Variants in WDR19 observed in about 807,000 individuals in gnomAD.
WDR19 encodes the protein WD repeat domain 19.
In WDR19, 121 loss-of-function variants were observed where a neutral mutation model predicts 180.0. The ratio of observed to expected loss-of-function variants is 0.67; its 90% CI spans 0.58 to 0.78. The LOEUF (loss-of-function observed/expected upper bound fraction) is 0.78, where lower values mean the gene tolerates loss of function less well. Among genes scored for constraint, WDR19 ranks in the 30% least tolerant of loss-of-function variants. WDR19 has a pLI of 0.00. For synonymous variants in WDR19, 497 were observed against 540.7 expected, an observed-to-expected ratio of 0.92 and a Z score of 1.12; for missense variants, 1,450 against 1,640.7, an observed-to-expected ratio of 0.88 and a Z score of 2.01.
intron 32 of WDR19, 163 bp downstream of exon 32, chr4:39,273,224 T>C: frequency 1.8e-6 from 1 of 571,152 alleles, no homozygotes; most frequent in South Asian, 2.4e-5. Context: ...CCAGGTTTGA[T>C]GACTCTTCAC....
At chr4:39,275,134 G>C (rs1735774753) in intron 33 of WDR19, 176 bp downstream of exon 33, 1 of 770,368 alleles carries the variant, frequency 1.3e-6, no homozygotes, top group Non-Finnish European at 2.1e-6. Flanking sequence ...GAGGTCAGTA[G>C]TTCAAGACCA....
chr4:39,252,531 T>A (rs1166284259), intron 24 of WDR19, among the ~76,000 whole-genome samples: 4 of 151,436 alleles, frequency 2.6e-5, no homozygotes, highest in African/African-American at 7.3e-5. Context: ...TAAAAAAAAA[T>A]TAAAAAATTT....
chr4:39,263,019 C>T (rs1250125139), intron 28 of WDR19, among the ~76,000 whole-genome samples: 1 of 152,168 alleles, frequency 6.6e-6, no homozygotes. Flanking sequence ...CCAGAAGCCA[C>T]ACCCCTGAGT....
At chr4:39,279,770 C>T (rs1736282506) in intron 36 of WDR19, among the ~76,000 whole-genome samples, 2 of 147,658 alleles carry the variant, frequency 1.4e-5, no homozygotes, top group Non-Finnish European at 1.5e-5. Context: ...GGCATGATCT[C>T]GGCTTACTGC....
chr4:39,225,175 G>T, intron 15 of WDR19, 142 bp downstream of exon 15: 3 of 645,388 alleles, frequency 4.6e-6, no homozygotes, highest in Non-Finnish European at 4.7e-6. Context: ...ATAATATCAT[G>T]TTTATGATAG....
chr4:39,196,157 C>A (rs1726725544), intron 5 of WDR19, among the ~76,000 whole-genome samples: 3 of 152,182 alleles, frequency 2.0e-5, no homozygotes, highest in African/African-American at 4.8e-5. Context: ...CCATTTAACA[C>A]CCAAGTCCCT....
At chr4:39,199,388 T>A (rs1727135699) in intron 5 of WDR19, 90 bp from the exon 6 acceptor site, 1 of 913,296 alleles carries the variant, frequency 1.1e-6, no homozygotes, top group East Asian at 2.6e-5. Flanking sequence ...AATTCTTGTC[T>A]GTTTAATTTC....
chr4:39,202,370 A>C (rs1727455935), intron 6 of WDR19, among the ~76,000 whole-genome samples: 1 of 152,170 alleles, frequency 6.6e-6, no homozygotes, highest in African/African-American at 2.4e-5. Flanking sequence ...AAATACATGA[A>C]TAGACAGTTC....
At chr4:39,183,417 T>A (rs965402913) in intron 1 of WDR19, among the ~76,000 whole-genome samples, 4 of 151,824 alleles carry the variant, frequency 2.6e-5, no homozygotes, top group African/African-American at 9.7e-5. Flanking sequence ...ACCCAGCTAA[T>A]TTTTTGTATT....
chr4:39,238,931 G>A (rs1477042149), intron 20 of WDR19, among the ~76,000 whole-genome samples: 3 of 152,098 alleles, frequency 2.0e-5, no homozygotes, highest in South Asian at 2.1e-4. Context: ...AAAGTCTTCT[G>A]TATATGGAGA....
In WDR19 at chr4:39,203,722, G is replaced by A. The variant is rs1727609377; in HGVS notation, c.603G>A (p.Met201Ile). The change falls in exon 7 of 37, where the codon ATG becomes ATA. Residue 201 changes from methionine to isoleucine, a missense_variant and splice_region_variant. Met to Ile is a conservative substitution (Grantham distance 10, BLOSUM62 1). Coordinates refer to ENST00000399820, the MANE Select transcript of WDR19 (RefSeq NM_025132.4). Reference protein sequence around the residue: ...MDDRTSAAESMISVVLGKKTL... With the variant: ...MDDRTSAAESIISVVLGKKTL... The stretch of plus-strand genomic sequence containing the variant: ...ACCGAACCTCTGCTGCTGAAAGCAT[G>A]GTAAGAATTCTAATCAAATCCACGT... The A allele has an allele frequency of 6.2e-7, 1 of 1,609,440 alleles. No homozygotes were observed. Among genetic ancestry groups the A allele is most frequent in the Non-Finnish European group, 8.5e-7 (1 of 1,177,616 alleles).
chr4:39,193,380 G>A (rs1161228177), intron 4 of WDR19, among the ~76,000 whole-genome samples: 1 of 151,804 alleles, frequency 6.6e-6, no homozygotes, highest in Admixed American at 6.6e-5. Context: ...GGCTGGTCTC[G>A]AACTCCTGAT....
intron 24 of WDR19, among the ~76,000 whole-genome samples, chr4:39,246,377 G>A (rs1392046112): frequency 1.3e-5 from 2 of 152,226 alleles, no homozygotes; most frequent in Non-Finnish European, 2.9e-5. Context: ...GGGGGGTGGA[G>A]CTAAGATGGC....
At chr4:39,244,668 G>T in intron 23 of WDR19, 116 bp downstream of exon 23, 1 of 1,025,104 alleles carries the variant, frequency 9.8e-7, no homozygotes, top group Non-Finnish European at 1.5e-6. Flanking sequence ...CCCCTATCTA[G>T]ACCTACCCTT....
chr4:39,281,551 T>G (rs1366234636), intron 36 of WDR19, among the ~76,000 whole-genome samples: 1 of 152,166 alleles, frequency 6.6e-6, no homozygotes, highest in African/African-American at 2.4e-5. Flanking sequence ...CCAAGATTGT[T>G]TTGGCTGTTA....
chr4:39,198,809 G>T (rs1727060322), intron 5 of WDR19, among the ~76,000 whole-genome samples: 1 of 152,138 alleles, frequency 6.6e-6, no homozygotes. Flanking sequence ...AGACCAGCCT[G>T]GCCAACATGG....
chr4:39,184,799 C>G (rs930047390), intron 1 of WDR19, among the ~76,000 whole-genome samples: 1 of 152,092 alleles, frequency 6.6e-6, no homozygotes, highest in Admixed American at 6.5e-5. Context: ...TATAATTTAA[C>G]CTAATATTGA....
chr4:39,215,736 A>T, intron 10 of WDR19, 105 bp from the exon 11 acceptor site: 2 of 1,220,768 alleles, frequency 1.6e-6, no homozygotes, highest in Non-Finnish European at 2.2e-6. Flanking sequence ...TAAGGAAAAT[A>T]TTTGAAAATT....
At chr4:39,277,194 C>T in intron 34 of WDR19, 51 bp downstream of exon 34, 1 of 1,521,802 alleles carries the variant, frequency 6.6e-7, no homozygotes, top group Non-Finnish European at 8.8e-7. Context: ...ATTTGTAACC[C>T]ATTTGAATAC....
Sources: allele counts gnomAD v4.1 joint callset (sites outside exome capture counted in the v4.1 genomes callset), GRCh38; gene constraint gnomAD v4.1.1; transcripts MANE v1.5; gene names NCBI Gene and HGNC (gene_info 2026-07-23, HGNC 2026-07-21).